The following ATG4B variants were observed in gnomAD, a reference collection of about 807,000 sequenced individuals.
The protein encoded by ATG4B is cysteine protease ATG4B.
A neutral mutation model predicts 56.6 loss-of-function variants in ATG4B; 29 were observed. That is an observed-to-expected ratio of 0.51 (90% CI 0.38 to 0.70). ATG4B has a LOEUF of 0.70. ATG4B is among the 30% of genes least tolerant of loss of function. The pLI, the probability that ATG4B is intolerant of heterozygous loss-of-function variation, is 0.00. For missense variants in ATG4B, 461 were observed against 515.5 expected (o/e 0.89, Z 1.02); for synonymous variants, 224 against 206.1 (o/e 1.09, Z -0.74).
intron 7 of ATG4B, 117 bp from the exon 8 acceptor site, chr2:241,666,528 T>C: frequency 9.2e-7 from 1 of 1,082,016 alleles, no homozygotes; most frequent in South Asian, 1.4e-5. Flanking sequence ...AATTTCACTG[T>C]AAGCACCTGG....
chr2:241,671,720 C>T (rs1358053920), intron 12 of ATG4B: 1 of 1,322,496 alleles, frequency 7.6e-7, no homozygotes, highest in Non-Finnish European at 9.7e-7. Flanking sequence ...GTGACGCAGT[C>T]CTGGGTGGGG....
Position 241,671,395 on chromosome 2 carries a change from C to G in ATG4B, c.1098C>G (p.Asn366Lys), listed in dbSNP as rs1311700273. 1 of 1,613,692 alleles carries G rather than the reference C, an allele frequency of 6.2e-7. No individual in the cohort carries two copies. The highest frequency in any genetic ancestry group is 8.5e-7 in the Non-Finnish European group (1 of 1,179,854). Reference sequence around the variant, plus strand: ...ATCTGGCCTGCCCCGACGTCCTGAACCTGTCCCTAGGTGAGAGCTGCCAAG... The same window carrying G: ...ATCTGGCCTGCCCCGACGTCCTGAAGCTGTCCCTAGGTGAGAGCTGCCAAG... ...PSHLACPDVL[N>K]LSLDSSDVER... The change falls in exon 12 of 13, where the codon AAC becomes AAG. Residue 366 changes from asparagine to lysine, a missense_variant. Transcript: ENST00000404914.
chr2:241,663,813 T>A (rs1287231164), intron 7 of ATG4B, among the ~76,000 whole-genome samples: 2 of 142,284 alleles, frequency 1.4e-5, no homozygotes, highest in African/African-American at 2.6e-5. Context: ...AGACGTCTAT[T>A]TTTTTTTTTT....
rs763529623 is a variant in ATG4B, at chr2:241,651,033, C to T, written c.34C>T (p.Arg12Trp). 1.2e-4 allele frequency: 199 copies of T among 1,613,858 alleles called. 9 individuals carry two copies. In the South Asian group the frequency reaches 1.8e-3, roughly 15 times the overall value. Residue 12 changes from arginine to tryptophan, a missense_variant, in exon 2 of 13, where the codon CGG becomes TGG. Physicochemically the swap from Arg to Trp is moderately radical, Grantham distance 101. Coordinates refer to ENST00000404914, the MANE Select transcript of ATG4B (RefSeq NM_013325.5). The surrounding 1 kb of genome is among the most constrained non-coding windows in gnomAD (Gnocchi z 4.1). Reference protein sequence around the residue: ...DAATLTYDTLRFAEFEDFPET... With the variant: ...DAATLTYDTLWFAEFEDFPET... ...AGCTACTCTGACCTACGACACTCTC[C>T]GGTTTGCTGAGTTTGAAGATTTTCC...
intron 1 of ATG4B, among the ~76,000 whole-genome samples, chr2:241,643,007 C>T (rs370874777): frequency 3.3e-5 from 5 of 150,460 alleles, no homozygotes; most frequent in African/African-American, 9.8e-5. Flanking sequence ...CTCAGCCTCC[C>T]GAGTAGCTGG....
chr2:241,651,803 C>A lies in ATG4B; in HGVS notation c.184+468C>A. 1 of 976,592 alleles carries A rather than the reference C, an allele frequency of 1.0e-6. No homozygotes were observed. The highest frequency in any genetic ancestry group is 1.4e-6 in the Non-Finnish European group (1 of 694,680). 60.5% of individuals were successfully genotyped at this position (976,592 alleles called of 1,614,324 possible). On this transcript the variant is annotated intron_variant, in intron 3 of 12. Transcript: ENST00000404914. This position sits in a 1 kb window ranked among gnomAD's most constrained non-coding sequence, Gnocchi z 4.1. ...CCCTCATCTTTTTTAGTATTTTCCACACTTAACCTGTGGGGAGATTTGAAG... is the reference window on the plus strand; with the variant it reads ...CCCTCATCTTTTTTAGTATTTTCCAAACTTAACCTGTGGGGAGATTTGAAG...
intron 10 of ATG4B, among the ~76,000 whole-genome samples, chr2:241,669,739 C>T (rs1379244808): frequency 6.6e-6 from 1 of 152,184 alleles, no homozygotes; most frequent in South Asian, 2.1e-4. Context: ...GATCTCCTGA[C>T]CTCATGATCC....
chr2:241,672,488 A>G lies in ATG4B; in HGVS notation c.*224A>G, dbSNP rs974859959. On this transcript the variant is annotated 3_prime_UTR_variant, in exon 13 of 13. Transcript: ENST00000404914. ...TGCCCGTCAGGGCCTGTGCATCCGC[A>G]CGCGGAGCCGTCTGTTAGGAGCTTC... is the stretch of plus-strand genomic sequence containing the variant. 3.3e-5 allele frequency: 19 copies of G among 577,484 alleles called. 1 individual carries two copies. The highest frequency in any genetic ancestry group is 3.0e-4 in the African/African-American group (16 of 53,302). 35.8% of individuals were successfully genotyped at this position (577,484 alleles called of 1,614,324 possible).
intron 7 of ATG4B, chr2:241,659,430 TG>T (rs1468198236): frequency 1.7e-6 from 1 of 582,358 alleles, no homozygotes; most frequent in Admixed American, 2.3e-5. Context: ...TCTCACGTCG[TG>T]TTTTGTGTCT....
intron 6 of ATG4B, 75 bp downstream of exon 6, chr2:241,655,418 T>TC (rs1285243744): frequency 2.8e-6 from 4 of 1,444,604 alleles, no homozygotes; most frequent in African/African-American, 2.8e-5. Flanking sequence ...CCTTGAGTCT[T>TC]CATGGCTACA....
At chr2:241,639,334 G>T (rs1392543471) in intron 1 of ATG4B, among the ~76,000 whole-genome samples, 2 of 152,196 alleles carry the variant, frequency 1.3e-5, no homozygotes, top group Admixed American at 6.5e-5. Context: ...CCCAAGAGGG[G>T]GTGTTGCAGA....
intron 1 of ATG4B, among the ~76,000 whole-genome samples, chr2:241,646,439 G>A (rs1431600019): frequency 2.6e-5 from 4 of 152,108 alleles, no homozygotes; most frequent in African/African-American, 9.7e-5. Context: ...GATGACATAC[G>A]CCACATTCTT....
At chr2:241,643,105 G>C (rs932744013) in intron 1 of ATG4B, among the ~76,000 whole-genome samples, 1 of 151,354 alleles carries the variant, frequency 6.6e-6, no homozygotes, top group Non-Finnish European at 1.5e-5. Flanking sequence ...GGCTGTTCTC[G>C]AACTTCTGAC....
intron 10 of ATG4B, 112 bp from the exon 11 acceptor site, chr2:241,670,614 C>A (rs1559274905): frequency 9.9e-7 from 1 of 1,011,584 alleles, no homozygotes; most frequent in East Asian, 2.6e-5. Flanking sequence ...ATGTCCAGCA[C>A]CTGCATGCTG....
intron 6 of ATG4B, among the ~76,000 whole-genome samples, chr2:241,657,898 G>T (rs2068458334): frequency 6.6e-6 from 1 of 152,224 alleles, no homozygotes; most frequent in African/African-American, 2.4e-5. Flanking sequence ...TCCCTGGCAT[G>T]ACACGTTGTG....
rs186632961 is a variant in ATG4B at position 241,669,665 on chromosome 2, G to A, written c.957+980G>A. On this transcript the variant is annotated intron_variant, in intron 10 of 12. Transcript: ENST00000404914. Reference sequence around the variant, plus strand: ...TGGGACTACAGGCACCCGCCACCACGCCTGGCTAATTTTCTGTATTTTTAA... The same window carrying A: ...TGGGACTACAGGCACCCGCCACCACACCTGGCTAATTTTCTGTATTTTTAA... Among the ~76,000 whole-genome samples the A allele has an allele frequency of 4.8e-3, 733 of 152,260 alleles. 13 individuals are homozygous for A. Among genetic ancestry groups the A allele is most frequent in the African/African-American group, 0.017 (708 of 41,542 alleles).
intron 1 of ATG4B, 134 bp downstream of exon 1, chr2:241,637,858 C>A: frequency 2.6e-6 from 2 of 770,984 alleles, no homozygotes; most frequent in Admixed American, 6.4e-5. Flanking sequence ...GGGCGGCGGG[C>A]GCTGCGGGAG....
chr2:241,647,128 A>G (rs932835234), intron 1 of ATG4B, among the ~76,000 whole-genome samples: 3 of 152,118 alleles, frequency 2.0e-5, no homozygotes, highest in Non-Finnish European at 2.9e-5. Context: ...CAATGGGTTT[A>G]TTGGACATAA....
chr2:241,668,093 ACCGTCTGCT>A lies in ATG4B; in HGVS notation c.733-47_733-39del. The stretch of plus-strand genomic sequence containing the variant: ...GCCCCCTATGGCAGTGGGTGGGGGG[ACCGTCTGCT>A]CCCACCTGGGACCTGTGCTCAGTCC... On this transcript the variant is annotated intron_variant, in intron 8 of 12. Transcript: ENST00000404914. The surrounding 1 kb of genome is among the most constrained non-coding windows in gnomAD (Gnocchi z 4.2). 2 of 1,537,908 alleles carry A rather than the reference ACCGTCTGCT, an allele frequency of 1.3e-6. No individual in the cohort carries two copies. Among genetic ancestry groups the A allele is most frequent in the Non-Finnish European group, 1.8e-6 (2 of 1,137,144 alleles).
Sources: allele counts gnomAD v4.1 joint callset (sites outside exome capture counted in the v4.1 genomes callset), GRCh38; gene constraint gnomAD v4.1.1; non-coding constraint Gnocchi (gnomAD v3.1); transcripts MANE v1.5; gene names NCBI Gene and HGNC (gene_info 2026-07-23, HGNC 2026-07-21).